Variants in BAZ1A observed in about 807,000 individuals in gnomAD.
BAZ1A encodes the protein bromodomain adjacent to zinc finger domain protein 1A.
A neutral mutation model predicts 185.2 loss-of-function variants in BAZ1A; 50 were observed. The ratio of observed to expected loss-of-function variants is 0.27; its 90% CI spans 0.22 to 0.34. The LOEUF (loss-of-function observed/expected upper bound fraction) is 0.34. Among genes scored for constraint, BAZ1A ranks in the 10% least tolerant of loss-of-function variants. The pLI, the probability that BAZ1A is intolerant of heterozygous loss-of-function variation, is 1.00. For missense variants in BAZ1A, 1,356 were observed against 1,839.9 expected, an observed-to-expected ratio of 0.74 and a Z score of 4.81; for synonymous variants, 571 against 615.6, an observed-to-expected ratio of 0.93 and a Z score of 1.07.
At chr14:34,822,082 G>A (rs527463233) in intron 4 of BAZ1A, among the ~76,000 whole-genome samples, 5 of 152,184 alleles carry the variant, frequency 3.3e-5, no homozygotes, top group African/African-American at 1.2e-4. Context: ...ATCACCTGAG[G>A]TCAGGAGTTT....
chr14:34,777,998 A>T (rs1158324042), intron 17 of BAZ1A, among the ~76,000 whole-genome samples: 1 of 152,156 alleles, frequency 6.6e-6, no homozygotes, highest in Non-Finnish European at 1.5e-5. Flanking sequence ...ACCTCAAAAA[A>T]CATTAACAAA....
chr14:34,791,134 G>T (rs899969237), intron 12 of BAZ1A, among the ~76,000 whole-genome samples: 2 of 116,012 alleles, frequency 1.7e-5, no homozygotes, highest in African/African-American at 6.1e-5. Flanking sequence ...AAAAAGAAAA[G>T]AAAAGAGAAG....
intron 3 of BAZ1A, among the ~76,000 whole-genome samples, chr14:34,829,515 T>C (rs1300779392): frequency 6.6e-6 from 1 of 152,168 alleles, no homozygotes; most frequent in Non-Finnish European, 1.5e-5. Flanking sequence ...TCAGGACTTA[T>C]TCATCCATCA....
At chr14:34,779,481 T>C (rs1218033294) in intron 17 of BAZ1A, among the ~76,000 whole-genome samples, 2 of 152,108 alleles carry the variant, frequency 1.3e-5, no homozygotes, top group African/African-American at 2.4e-5. Context: ...ATCAATTGCA[T>C]TGTAATCAGA....
chr14:34,794,138 A>C (rs905331917), intron 11 of BAZ1A, among the ~76,000 whole-genome samples: 23 of 152,146 alleles, frequency 1.5e-4, no homozygotes, highest in African/African-American at 4.6e-4. Flanking sequence ...TCAAGAAAAA[A>C]AAAAATGAGT....
intron 3 of BAZ1A, among the ~76,000 whole-genome samples, chr14:34,834,110 A>C (rs1349067217): frequency 6.6e-6 from 1 of 152,212 alleles, no homozygotes. Context: ...TCTGTACTTT[A>C]GTAACATGAG....
intron 12 of BAZ1A, among the ~76,000 whole-genome samples, chr14:34,788,151 G>A (rs1219139937): frequency 1.3e-5 from 2 of 151,694 alleles, no homozygotes; most frequent in Admixed American, 6.6e-5. Flanking sequence ...CCAGGTAGCT[G>A]GGATTACAGG....
intron 26 of BAZ1A, 62 bp from the exon 27 acceptor site, chr14:34,753,766 T>C: frequency 7.8e-7 from 1 of 1,288,438 alleles, no homozygotes; most frequent in South Asian, 2.1e-5. Flanking sequence ...TAAATATAAT[T>C]CTTGTATCAT....
At chr14:34,781,744 G>A (rs577868849) in intron 16 of BAZ1A, among the ~76,000 whole-genome samples, 3 of 152,290 alleles carry the variant, frequency 2.0e-5, no homozygotes, top group East Asian at 1.9e-4. Flanking sequence ...TGATCCGGCC[G>A]CCTCAGCCTC....
intron 3 of BAZ1A, among the ~76,000 whole-genome samples, chr14:34,843,629 G>A (rs965580503): frequency 6.6e-6 from 1 of 152,166 alleles, no homozygotes; most frequent in Non-Finnish European, 1.5e-5. Flanking sequence ...ACTTTTAGGG[G>A]TGGTTTGTTA....
chr14:34,838,686 G>A (rs750426173), intron 3 of BAZ1A, among the ~76,000 whole-genome samples: 22 of 151,708 alleles, frequency 1.5e-4, no homozygotes, highest in Non-Finnish European at 1.0e-4. Flanking sequence ...CTCCACGCCC[G>A]GCTAATTTTT....
intron 25 of BAZ1A, among the ~76,000 whole-genome samples, chr14:34,755,283 T>A (rs1886192406): frequency 6.6e-6 from 1 of 152,200 alleles, no homozygotes; most frequent in African/African-American, 2.4e-5. Context: ...TTAATTTTTT[T>A]ATGCTATTCA....
intron 4 of BAZ1A, among the ~76,000 whole-genome samples, chr14:34,823,253 G>A (rs1056522957): frequency 2.6e-5 from 4 of 152,026 alleles, no homozygotes; most frequent in Non-Finnish European, 5.9e-5. Flanking sequence ...TACTCAGGAC[G>A]CTAAGGCGGG....
At chr14:34,833,465 T>G (rs761902216) in intron 3 of BAZ1A, among the ~76,000 whole-genome samples, 3 of 151,886 alleles carry the variant, frequency 2.0e-5, no homozygotes, top group Non-Finnish European at 4.4e-5. Flanking sequence ...GAGGCGGAGG[T>G]TGCAGTGAGC....
Position 34,783,863 on chromosome 14 carries a change from A to G in BAZ1A, c.1896T>C (p.Asp632=). 1.2e-6 allele frequency: 2 copies of G among 1,613,430 alleles called. No individual in the cohort carries two copies. The highest frequency in any genetic ancestry group is 1.7e-6 in the Non-Finnish European group (2 of 1,179,768). ...GKLLTLVSTR[D]FIEDYVDILR... Reference sequence around the variant, plus strand: ...ATATATCAACATAATCTTCAATAAAATCCCTAGTTGAAACTAGGGTCAGTA... The same window carrying G: ...ATATATCAACATAATCTTCAATAAAGTCCCTAGTTGAAACTAGGGTCAGTA... The change falls in exon 15 of 27, where the codon GAT becomes GAC. Residue 632 remains aspartate (D), a synonymous_variant. Coordinates refer to ENST00000360310, the MANE Select transcript of BAZ1A (RefSeq NM_013448.3).
chr14:34,864,645 T>G lies in BAZ1A; in HGVS notation c.114-2323A>C, dbSNP rs543326475. On this transcript the variant is annotated intron_variant, in intron 2 of 26. Transcript: ENST00000360310. ...ACAGACGCGCGCCACCACACCCAGC[T>G]AATTTTTGTATTTTTAGTAGAGACG... is the stretch of plus-strand genomic sequence containing the variant. Among the ~76,000 whole-genome samples the G allele has an allele frequency of 1.5e-4, 23 of 151,230 alleles. No homozygotes were observed. The East Asian group carries it at 3.3e-3, about 22-fold the overall frequency.
chr14:34,817,860 G>A (rs1012736940), intron 4 of BAZ1A, among the ~76,000 whole-genome samples: 1 of 152,176 alleles, frequency 6.6e-6, no homozygotes, highest in Non-Finnish European at 1.5e-5. Flanking sequence ...CAAGTGTATG[G>A]TGAAACTGGA....
chr14:34,864,914 C>A (rs1051756489), intron 2 of BAZ1A, among the ~76,000 whole-genome samples: 2 of 151,794 alleles, frequency 1.3e-5, no homozygotes, highest in African/African-American at 2.4e-5. Context: ...GTAGCTGGGA[C>A]TAAAGGCACA....
intron 6 of BAZ1A, among the ~76,000 whole-genome samples, chr14:34,804,124 C>T (rs1384474980): frequency 6.6e-6 from 1 of 152,150 alleles, no homozygotes; most frequent in East Asian, 1.9e-4. Flanking sequence ...TCTCCTGCCT[C>T]AGTCTCCGGA....
Sources: allele counts gnomAD v4.1 joint callset (sites outside exome capture counted in the v4.1 genomes callset), GRCh38; gene constraint gnomAD v4.1.1; transcripts MANE v1.5; gene names NCBI Gene and HGNC (gene_info 2026-07-23, HGNC 2026-07-21).